Variants in CELF4 observed in about 807,000 individuals in gnomAD.
CELF4 encodes CUGBP Elav-like family member 4.
In CELF4, 18 loss-of-function variants were observed where a neutral mutation model predicts 59.9. The ratio of observed to expected loss-of-function variants is 0.30; its 90% CI spans 0.21 to 0.45. CELF4 has a LOEUF of 0.45. Ranked by LOEUF, CELF4 falls within the 20% of genes least tolerant of loss-of-function variation. The probability of loss-of-function intolerance (pLI) is 1.00; values close to 1 mark genes in which losing one functional copy is unlikely to be tolerated. For missense variants in CELF4, 456 were observed against 689.0 expected (o/e 0.66, Z 3.79); for synonymous variants, 261 against 267.1 (o/e 0.98, Z 0.22).
intron 2 of CELF4, among the ~76,000 whole-genome samples, chr18:37,387,297 G>A (rs2099109898): frequency 6.6e-6 from 1 of 152,210 alleles, no homozygotes; most frequent in South Asian, 2.1e-4. Context: ...TCTGGGCCAG[G>A]CCTTGCTCCC....
At chr18:37,486,816 C>T (rs1160504249) in intron 1 of CELF4, among the ~76,000 whole-genome samples, 1 of 152,214 alleles carries the variant, frequency 6.6e-6, no homozygotes, top group Admixed American at 6.5e-5. Flanking sequence ...TCTGCCCCCG[C>T]ATTCCTCTGC....
intron 1 of CELF4, among the ~76,000 whole-genome samples, chr18:37,563,970 C>G (rs1013768432): frequency 1.3e-5 from 2 of 152,244 alleles, no homozygotes; most frequent in African/African-American, 4.8e-5. Context: ...GAGAGCCAGA[C>G]AGCTCTGCGC....
At chr18:37,494,328 C>G (rs752284126) in intron 1 of CELF4, among the ~76,000 whole-genome samples, 3 of 152,236 alleles carry the variant, frequency 2.0e-5, no homozygotes, top group Non-Finnish European at 4.4e-5. Context: ...CATCTATGGT[C>G]AGGGCTGATG....
chr18:37,510,310 C>T (rs2099942784), intron 1 of CELF4, among the ~76,000 whole-genome samples: 1 of 152,230 alleles, frequency 6.6e-6, no homozygotes, highest in Admixed American at 6.5e-5. Context: ...CCTTGCTCAA[C>T]CTGGCCGAAT....
intron 11 of CELF4, among the ~76,000 whole-genome samples, chr18:37,256,596 T>C (rs2069642314): frequency 6.6e-6 from 1 of 152,212 alleles, no homozygotes; most frequent in South Asian, 2.1e-4. Context: ...TATTTTGTTA[T>C]TTATTTTTGA....
chr18:37,521,126 AC>A (rs2099956904), intron 1 of CELF4, among the ~76,000 whole-genome samples: 1 of 151,958 alleles, frequency 6.6e-6, no homozygotes, highest in South Asian at 2.1e-4. Flanking sequence ...TCCTTCAACC[AC>A]ACCTGCCACC....
chr18:37,269,992 C>G (rs979055914), intron 8 of CELF4, among the ~76,000 whole-genome samples: 2 of 152,170 alleles, frequency 1.3e-5, no homozygotes, highest in Non-Finnish European at 1.5e-5. Context: ...CACTCCACAT[C>G]GGGAGCACAT....
chr18:37,342,637 G>T (rs371244549), intron 2 of CELF4, among the ~76,000 whole-genome samples: 90 of 152,292 alleles, frequency 5.9e-4, no homozygotes, highest in African/African-American at 2.0e-3. Context: ...CAAGCAGAGT[G>T]GGGGAGCCTG....
intron 2 of CELF4, among the ~76,000 whole-genome samples, chr18:37,435,367 G>A (rs568303321): frequency 1.1e-4 from 17 of 152,284 alleles, no homozygotes; most frequent in Middle Eastern, 6.8e-3. Context: ...GTGTGTGCAC[G>A]TGTGTCTTGG....
chr18:37,562,040 T>C (rs1448767826), intron 1 of CELF4, among the ~76,000 whole-genome samples: 1 of 152,166 alleles, frequency 6.6e-6, no homozygotes, highest in Non-Finnish European at 1.5e-5. Context: ...AGCACCCAGA[T>C]ACCCCTCTCC....
intron 12 of CELF4, among the ~76,000 whole-genome samples, chr18:37,249,907 C>G (rs941120604): frequency 3.3e-5 from 5 of 152,150 alleles, no homozygotes; most frequent in Admixed American, 6.5e-5. Context: ...GCACCTGTGC[C>G]TGCAAAGCCT....
At chr18:37,505,083 T>G (rs1457797631) in intron 1 of CELF4, among the ~76,000 whole-genome samples, 1 of 151,046 alleles carries the variant, frequency 6.6e-6, no homozygotes, top group Non-Finnish European at 1.5e-5. Context: ...GGTTCTCTGG[T>G]TAGGAGAAGC....
chr18:37,564,470 G>A (rs1028374557), intron 1 of CELF4, among the ~76,000 whole-genome samples: 5 of 152,094 alleles, frequency 3.3e-5, no homozygotes, highest in African/African-American at 1.2e-4. Flanking sequence ...TGATTATTCT[G>A]TCTCCCCCTC....
At chr18:37,267,827 G>C (rs1182671792) in intron 8 of CELF4, among the ~76,000 whole-genome samples, 1 of 152,110 alleles carries the variant, frequency 6.6e-6, no homozygotes, top group Non-Finnish European at 1.5e-5. Context: ...TCTGAGGTCA[G>C]GAGCTTGAGA....
At chr18:37,348,970 G>A (rs915309833) in intron 2 of CELF4, among the ~76,000 whole-genome samples, 12 of 152,114 alleles carry the variant, frequency 7.9e-5, no homozygotes, top group African/African-American at 2.9e-4. Context: ...GCTGCAGGCT[G>A]ATCAAACTGG....
intron 1 of CELF4, among the ~76,000 whole-genome samples, chr18:37,507,302 T>G (rs571938367): frequency 6.6e-6 from 1 of 152,142 alleles, no homozygotes; most frequent in Non-Finnish European, 1.5e-5. Flanking sequence ...CTTAGATGGG[T>G]GCATTTGTAT....
chr18:37,318,453 TC>T (rs1569560616), intron 3 of CELF4, among the ~76,000 whole-genome samples: 2 of 151,630 alleles, frequency 1.3e-5, no homozygotes, highest in African/African-American at 4.8e-5. Context: ...TGTTCACTTC[TC>T]CCCCCTTCCC....
chr18:37,431,151 G>A (rs2099651627), intron 2 of CELF4, among the ~76,000 whole-genome samples: 1 of 152,136 alleles, frequency 6.6e-6, no homozygotes, highest in South Asian at 2.1e-4. Context: ...GGACAGCTCT[G>A]TTGCTTGACT....
At chr18:37,363,079 C>T (rs1036915978) in intron 2 of CELF4, among the ~76,000 whole-genome samples, 5 of 152,186 alleles carry the variant, frequency 3.3e-5, no homozygotes, top group African/African-American at 1.2e-4. Flanking sequence ...GGGCACACCC[C>T]TGAAGAGAAT....
Sources: allele counts gnomAD v4.1 joint callset (sites outside exome capture counted in the v4.1 genomes callset), GRCh38; gene constraint gnomAD v4.1.1; transcripts MANE v1.5; gene names NCBI Gene and HGNC (gene_info 2026-07-23, HGNC 2026-07-21).